The following HIBCH variants were observed in gnomAD, a reference collection of about 807,000 sequenced individuals.
The protein encoded by HIBCH is 3-hydroxyisobutyryl-CoA hydrolase, mitochondrial.
In HIBCH, 50 loss-of-function variants were observed where a neutral mutation model predicts 58.2. That is an observed-to-expected ratio of 0.86 (90% confidence interval 0.68 to 1.09). The LOEUF is 1.09. Ranked by LOEUF, HIBCH falls within the 50% of genes least tolerant of loss-of-function variation. HIBCH has a pLI of 0.00. For synonymous variants in HIBCH, 151 were observed against 146.9 expected (o/e 1.03, Z -0.20); for missense variants, 450 against 449.7 (o/e 1.00, Z -0.01).
At chr2:190,267,146 G>A (rs1257789283) in intron 6 of HIBCH, among the ~76,000 whole-genome samples, 1 of 152,080 alleles carries the variant, frequency 6.6e-6, no homozygotes, top group Non-Finnish European at 1.5e-5. Flanking sequence ...AGGTGAAGCT[G>A]GGGTGATGGG....
intron 11 of HIBCH, among the ~76,000 whole-genome samples, chr2:190,221,939 T>C (rs1455657807): frequency 6.6e-6 from 1 of 152,190 alleles, no homozygotes; most frequent in African/African-American, 2.4e-5. Flanking sequence ...ATCTCCTGCA[T>C]TTAACATCTC....
chr2:190,261,916 G>T (rs1456818365), intron 6 of HIBCH, among the ~76,000 whole-genome samples: 1 of 152,112 alleles, frequency 6.6e-6, no homozygotes, highest in Non-Finnish European at 1.5e-5. Flanking sequence ...CCCCAGGAGG[G>T]GCTGAACTAG....
intron 11 of HIBCH, among the ~76,000 whole-genome samples, chr2:190,242,555 T>G (rs1686482462): frequency 6.6e-6 from 1 of 152,174 alleles, no homozygotes; most frequent in Admixed American, 6.5e-5. Flanking sequence ...CATCTTCGTG[T>G]GTTTATCTAC....
chr2:190,240,693 T>C (rs545323927), intron 11 of HIBCH, among the ~76,000 whole-genome samples: 1 of 152,328 alleles, frequency 6.6e-6, no homozygotes, highest in Non-Finnish European at 1.5e-5. Flanking sequence ...GTCTTTGTTC[T>C]CATTGGTTTC....
At chr2:190,196,310 A>T (rs1014059344) in intron 1 of HIBCH, among the ~76,000 whole-genome samples, 1 of 152,094 alleles carries the variant, frequency 6.6e-6, no homozygotes, top group Non-Finnish European at 1.5e-5. Context: ...CAAGTTCACT[A>T]ATCCTATCTT....
intron 8 of HIBCH, among the ~76,000 whole-genome samples, chr2:190,251,170 C>T (rs1015618189): frequency 2.0e-5 from 3 of 152,142 alleles, no homozygotes; most frequent in Non-Finnish European, 4.4e-5. Context: ...TGAGTGTTTA[C>T]TATTTGTCAG....
At chr2:190,296,784 C>T (rs1309666807) in intron 3 of HIBCH, 29 bp downstream of exon 3, 4 of 1,578,704 alleles carry the variant, frequency 2.5e-6, no homozygotes, top group South Asian at 1.1e-5. Context: ...GAAAAGAATC[C>T]ATATAATTGC....
At chr2:190,233,191 T>C (rs1220273262) in intron 11 of HIBCH, among the ~76,000 whole-genome samples, 4 of 152,026 alleles carry the variant, frequency 2.6e-5, no homozygotes, top group South Asian at 4.2e-4. Flanking sequence ...AAACAGGATA[T>C]AAAAGAACTA....
intron 6 of HIBCH, among the ~76,000 whole-genome samples, chr2:190,284,375 T>G (rs34783961): frequency 6.6e-6 from 1 of 152,130 alleles, no homozygotes; most frequent in Admixed American, 6.6e-5. Flanking sequence ...ATTCTCAGGC[T>G]TCTGTAAAAA....
At chr2:190,263,893 G>A (rs1033194098) in intron 6 of HIBCH, among the ~76,000 whole-genome samples, 3 of 150,570 alleles carry the variant, frequency 2.0e-5, no homozygotes, top group Non-Finnish European at 3.0e-5. Context: ...ACACTATTAC[G>A]ACCCCACAAT....
intron 7 of HIBCH, among the ~76,000 whole-genome samples, chr2:190,258,106 T>C (rs1289285036): frequency 6.6e-6 from 1 of 152,094 alleles, no homozygotes; most frequent in Non-Finnish European, 1.5e-5. Flanking sequence ...GGGGGCAGAT[T>C]TCCCCCTTGC....
At chr2:190,316,789 G>A (rs1386123904) in intron 1 of HIBCH, among the ~76,000 whole-genome samples, 1 of 152,120 alleles carries the variant, frequency 6.6e-6, no homozygotes, top group East Asian at 1.9e-4. Context: ...GATCAACTAA[G>A]AAACAACTAA....
At chr2:190,309,709 C>G (rs1437155068) in intron 2 of HIBCH, among the ~76,000 whole-genome samples, 1 of 152,000 alleles carries the variant, frequency 6.6e-6, no homozygotes, top group African/African-American at 2.4e-5. Flanking sequence ...GTGCCCGCCA[C>G]CATGTCCGGC....
Position 190,279,178 on chromosome 2 carries a change from A to C in HIBCH, c.438+8408T>G, listed in dbSNP as rs1008570485. On this transcript the variant is annotated intron_variant, in intron 6 of 13. Transcript: ENST00000359678. The surrounding 1 kb of genome is among the most constrained non-coding windows in gnomAD (Gnocchi z 4.2). ...AACAGACCCATTCCCATGGTAATTAAACCATTCTTCCTGTGATAACCTATT... is the reference window on the plus strand; with the variant it reads ...AACAGACCCATTCCCATGGTAATTACACCATTCTTCCTGTGATAACCTATT... Among the ~76,000 whole-genome samples, 1 of 152,156 alleles carries C rather than the reference A, an allele frequency of 6.6e-6. No homozygotes were observed. The highest frequency in any genetic ancestry group is 2.4e-5 in the African/African-American group (1 of 41,436).
chr2:190,203,682 T>C (rs1690315431), downstream of HIBCH, among the ~76,000 whole-genome samples: 2 of 152,150 alleles, frequency 1.3e-5, no homozygotes, highest in Non-Finnish European at 2.9e-5. Flanking sequence ...GTATCCGATA[T>C]CATGGCATCT....
At chr2:190,287,027 CGTGTGTGTGTGTGTGTGT>C (rs56811939) in intron 6 of HIBCH, among the ~76,000 whole-genome samples, 4 of 142,114 alleles carry the variant, frequency 2.8e-5, no homozygotes, top group African/African-American at 1.1e-4. Context: ...TAGCATATAA[CGTGTGTGTGTGTGTGTGT>C]GTGTGTGTGT....
chr2:190,200,162 C>T (rs764050088), downstream of HIBCH: 42 of 1,608,498 alleles, frequency 2.6e-5, no homozygotes, highest in Non-Finnish European at 3.6e-5. Context: ...TGTAGGATGA[C>T]AACACTTTGA....
intron 11 of HIBCH, among the ~76,000 whole-genome samples, chr2:190,226,638 G>GT (rs1281539415): frequency 2.3e-4 from 32 of 139,420 alleles, no homozygotes; most frequent in African/African-American, 8.0e-4. Context: ...AAGTCAAATT[G>GT]TCCCTGTTTG....
At chr2:190,288,982 A>T (rs1384428690) in intron 5 of HIBCH, among the ~76,000 whole-genome samples, 1 of 152,064 alleles carries the variant, frequency 6.6e-6, no homozygotes, top group African/African-American at 2.4e-5. Flanking sequence ...GTGGTGGTGC[A>T]TGCCTGTAAT....
Sources: gnomAD v4.1 joint callset for allele counts (sites outside exome capture counted in the v4.1 genomes callset) on GRCh38, gnomAD v4.1.1 for gene constraint, Gnocchi (gnomAD v3.1) non-coding constraint, MANE v1.5 for transcripts, NCBI Gene and HGNC (gene_info 2026-07-23, HGNC 2026-07-21) for gene names.